Variants in TIMP3 observed in about 807,000 individuals in gnomAD.
The protein encoded by TIMP3 is TIMP metallopeptidase inhibitor 3.
TIMP3 carries 11 observed loss-of-function variants against 30.0 expected under a neutral mutation model. The ratio of observed to expected loss-of-function variants is 0.37; its 90% CI spans 0.23 to 0.61. TIMP3 has a LOEUF of 0.61. TIMP3 is among the 20% of genes least tolerant of loss of function. The pLI is 0.70. For missense variants in TIMP3, 181 were observed against 276.8 expected (o/e 0.65, Z 2.45); for synonymous variants, 112 against 111.3 (o/e 1.01, Z -0.04).
At chr22:32,805,282 C>T (rs530813065) in intron 1 of TIMP3, among the ~76,000 whole-genome samples, 36 of 152,260 alleles carry the variant, frequency 2.4e-4, no homozygotes, top group African/African-American at 7.0e-4. Context: ...CTGGATAGCT[C>T]CAAATTGTTC....
intron 1 of TIMP3, among the ~76,000 whole-genome samples, chr22:32,827,976 T>G (rs1006283168): frequency 1.3e-5 from 2 of 152,166 alleles, no homozygotes; most frequent in Non-Finnish European, 2.9e-5. Flanking sequence ...CCTACCAGCC[T>G]CCTTGTCTAT....
intron 2 of TIMP3, among the ~76,000 whole-genome samples, chr22:32,853,075 T>C (rs963051315): frequency 6.6e-6 from 1 of 152,194 alleles, no homozygotes; most frequent in African/African-American, 2.4e-5. Flanking sequence ...CTCCAGGGAC[T>C]TCCTTCCTTT....
chr22:32,857,878 A>AAAAT, intron 3 of TIMP3, 139 bp from the exon 4 acceptor site: 1 of 1,262,684 alleles, frequency 7.9e-7, no homozygotes. Flanking sequence ...GGTGTTGGGT[A>AAAAT]GGGTGAAATA....
chr22:32,847,467 G>T (rs1310277131), intron 1 of TIMP3, among the ~76,000 whole-genome samples: 2 of 152,196 alleles, frequency 1.3e-5, no homozygotes, highest in Non-Finnish European at 1.5e-5. Flanking sequence ...GCCATCGCCG[G>T]CAGGGAAGGT....
intron 1 of TIMP3, among the ~76,000 whole-genome samples, chr22:32,822,137 A>C (rs2047265193): frequency 1.3e-5 from 2 of 149,638 alleles, no homozygotes; most frequent in Non-Finnish European, 3.0e-5. Context: ...CCTGGGCAAC[A>C]AGAGCAAAAC....
rs751391215 is a variant in TIMP3, at chr22:32,849,457, C to T, written c.127C>T (p.Arg43Trp). The change falls in exon 2 of 5, where the codon CGG (arginine) becomes TGG (tryptophan). Residue 43 changes from arginine to tryptophan, a missense_variant. This residue lies in a region of TIMP3 where 71 missense variants were observed against 79.7 expected (regional missense o/e 0.89). Transcript: ENST00000266085. ...GTCTCCTTCTGTCTCTGCAGTGATC[C>T]GGGCCAAGGTGGTGGGGAAGAAGCT... ...DAFCNSDIVI[R>W]AKVVGKKLVK... 6.2e-7 allele frequency: 1 copy of T among 1,613,384 alleles called. No homozygotes were observed. Among genetic ancestry groups the T allele is most frequent in the Admixed American group, 1.7e-5 (1 of 59,960 alleles).
intron 2 of TIMP3, among the ~76,000 whole-genome samples, chr22:32,852,059 C>A (rs1365883286): frequency 6.6e-6 from 1 of 152,198 alleles, no homozygotes; most frequent in African/African-American, 2.4e-5. Flanking sequence ...ATTTACTGAG[C>A]AATTGCTTAG....
At chr22:32,829,746 C>A (rs117475847) in intron 1 of TIMP3, among the ~76,000 whole-genome samples, 3,695 of 152,374 alleles carry the variant, frequency 0.024, 64 homozygotes, top group Non-Finnish European at 0.039. Flanking sequence ...TCTCACTCTG[C>A]ACATCAGTGC....
Position 32,859,169 on chromosome 22 carries a change from T to C in TIMP3, c.439-11T>C, listed in dbSNP as rs777685149. ...AGAGTCCATCAACTGCTGCCTGTTATCTAATTGCAGATCAAGTCCTGCTAC... is the reference window on the plus strand; with the variant it reads ...AGAGTCCATCAACTGCTGCCTGTTACCTAATTGCAGATCAAGTCCTGCTAC... On this transcript the variant is annotated splice_polypyrimidine_tract_variant and intron_variant, in intron 4 of 4. Coordinates refer to ENST00000266085, the MANE Select transcript of TIMP3 (RefSeq NM_000362.5). 1 of 1,614,178 alleles carries C rather than the reference T, an allele frequency of 6.2e-7. No homozygotes were observed. Among genetic ancestry groups the C allele is most frequent in the Non-Finnish European group, 8.5e-7 (1 of 1,180,012 alleles).
Position 32,849,469 on chromosome 22 carries a change from G to T in TIMP3, c.139G>T (p.Val47Leu). 1 of 1,613,810 alleles carries T rather than the reference G, an allele frequency of 6.2e-7. No homozygotes were observed. The highest frequency in any genetic ancestry group is 8.5e-7 in the Non-Finnish European group (1 of 1,179,894). Reference protein sequence around the residue: ...NSDIVIRAKVVGKKLVKEGPF... With the variant: ...NSDIVIRAKVLGKKLVKEGPF... Reference sequence around the variant, plus strand: ...CTCTGCAGTGATCCGGGCCAAGGTGGTGGGGAAGAAGCTGGTAAAGGAGGG... The same window carrying T: ...CTCTGCAGTGATCCGGGCCAAGGTGTTGGGGAAGAAGCTGGTAAAGGAGGG... The change falls in exon 2 of 5, where the codon GTG (valine) becomes TTG (leucine). Residue 47 changes from valine (V) to leucine (L), a missense_variant. Physicochemically the swap from Val to Leu is conservative, Grantham distance 32. This residue lies in a region of TIMP3 where 71 missense variants were observed against 79.7 expected (regional missense o/e 0.89). Coordinates refer to ENST00000266085, the MANE Select transcript of TIMP3 (RefSeq NM_000362.5).
At position 32,821,882 on chromosome 22, in the gene TIMP3, G is replaced by A. The variant is rs189717074; in HGVS notation, c.121+19760G>A. ...ATTCTGTAAGAAGTTGAGGCCGAGC[G>A]CAGTGGCTCACGCCTGTAATCTCAG... On this transcript the variant is annotated intron_variant, in intron 1 of 4. Transcript: ENST00000266085. Among the ~76,000 whole-genome samples the A allele has an allele frequency of 9.5e-4, 145 of 152,300 alleles. 1 individual carries two copies. The highest frequency in any genetic ancestry group is 1.5e-3 in the Non-Finnish European group (100 of 68,020).
intron 1 of TIMP3, among the ~76,000 whole-genome samples, chr22:32,835,688 C>T (rs2047710012): frequency 6.6e-6 from 1 of 152,174 alleles, no homozygotes; most frequent in Non-Finnish European, 1.5e-5. Context: ...TTGCCATACT[C>T]TTTGGTCCAA....
intron 1 of TIMP3, among the ~76,000 whole-genome samples, chr22:32,821,231 T>G (rs2047238610): frequency 6.6e-6 from 1 of 152,182 alleles, no homozygotes; most frequent in Non-Finnish European, 1.5e-5. Flanking sequence ...AGCCTTGGTT[T>G]TCCCAATTGC....
intron 3 of TIMP3, 117 bp from the exon 4 acceptor site, chr22:32,857,899 TC>T (rs1330114286): frequency 5.5e-5 from 82 of 1,478,740 alleles, no homozygotes; most frequent in Admixed American, 3.5e-4. Context: ...AAATCATGGG[TC>T]TGAAAAGTAC....
intron 1 of TIMP3, among the ~76,000 whole-genome samples, chr22:32,812,813 C>T (rs2046950530): frequency 2.0e-5 from 3 of 152,226 alleles, no homozygotes; most frequent in Non-Finnish European, 4.4e-5. Context: ...TCACTATCTG[C>T]TCCCCTGACA....
chr22:32,844,021 G>A (rs539328615), intron 1 of TIMP3, among the ~76,000 whole-genome samples: 10 of 152,206 alleles, frequency 6.6e-5, no homozygotes, highest in African/African-American at 1.9e-4. Context: ...CTGCTCTTCC[G>A]TTGATGCTAC....
rs1187746462 is a variant in TIMP3 at position 32,859,307 on chromosome 22, G to A, written c.566G>A (p.Gly189Asp). ...CACTACGCCTGCATCCGGCAGAAGG[G>A]CGGCTACTGCAGCTGGTACCGAGGA... ...SKHYACIRQK[G>D]GYCSWYRGWA... Residue 189 changes from glycine to aspartate, a missense_variant, in exon 5 of 5, where the codon GGC (glycine) becomes GAC (aspartate). This residue lies in a region of TIMP3 where 47 missense variants were observed against 63.8 expected (regional missense o/e 0.74). Transcript: ENST00000266085. 11 of 1,614,006 alleles carry A rather than the reference G, an allele frequency of 6.8e-6. No individual in the cohort carries two copies. In the African/African-American group the frequency reaches 1.2e-4, roughly 18 times the overall value.
intron 4 of TIMP3, 65 bp downstream of exon 4, chr22:32,858,203 TCCCAATGCA>T: frequency 6.3e-7 from 1 of 1,599,930 alleles, no homozygotes; most frequent in Non-Finnish European, 8.5e-7. Flanking sequence ...AAACATCAGC[TCCCAATGCA>T]CTGGGTGCCA....
At chr22:32,814,425 A>G (rs1485896355) in intron 1 of TIMP3, among the ~76,000 whole-genome samples, 1 of 152,104 alleles carries the variant, frequency 6.6e-6, no homozygotes, top group Non-Finnish European at 1.5e-5. Flanking sequence ...GGCCATTCCT[A>G]ACTGCTAAGC....
Sources: allele counts gnomAD v4.1 joint callset (sites outside exome capture counted in the v4.1 genomes callset), GRCh38; gene constraint gnomAD v4.1.1; regional missense constraint gnomAD v4.1.1; transcripts MANE v1.5; gene names NCBI Gene and HGNC (gene_info 2026-07-23, HGNC 2026-07-21).